TMEM17: variants seen among roughly 807,000 people sequenced by gnomAD.
The protein encoded by TMEM17 is transmembrane protein 17.
TMEM17 carries 15 observed loss-of-function variants against 19.1 expected under a neutral mutation model. The ratio of observed to expected loss-of-function variants is 0.78; its 90% CI spans 0.52 to 1.21. TMEM17 has a LOEUF of 1.21. Among genes scored for constraint, TMEM17 ranks in the 50% most tolerant of loss-of-function variants. TMEM17 has a pLI of 0.00. For missense variants in TMEM17, 245 were observed against 242.3 expected (o/e 1.01, Z -0.07); for synonymous variants, 103 against 86.9 (o/e 1.19, Z -1.03).
At chr2:62,486,465 T>C in the TMEM17 span, among the ~76,000 whole-genome samples, 1 of 152,142 alleles carries the variant, frequency 6.6e-6, no homozygotes, top group Non-Finnish European at 1.5e-5. Flanking sequence ...GTATGTGAAG[T>C]AGGAATGATC....
chr2:62,484,033 C>T, the TMEM17 span, among the ~76,000 whole-genome samples: 1 of 152,226 alleles, frequency 6.6e-6, no homozygotes, highest in South Asian at 2.1e-4. Flanking sequence ...ATCTGGTCTT[C>T]ACTCAACAGT....
chr2:62,483,744 C>G, the TMEM17 span, among the ~76,000 whole-genome samples: 1 of 151,904 alleles, frequency 6.6e-6, no homozygotes. Flanking sequence ...GGATTACAGG[C>G]ACGTGCCACC....
chr2:62,458,620 C>A, the TMEM17 span, among the ~76,000 whole-genome samples: 45 of 152,220 alleles, frequency 3.0e-4, no homozygotes, highest in Non-Finnish European at 5.3e-4. Context: ...CACTCTGCAA[C>A]CTGGCTCTGG....
At chr2:62,475,924 A>T in the TMEM17 span, among the ~76,000 whole-genome samples, 1 of 152,150 alleles carries the variant, frequency 6.6e-6, no homozygotes, top group Non-Finnish European at 1.5e-5. Flanking sequence ...CAGTTGGCAA[A>T]TGTAAGAATG....
At chr2:62,494,127 CTTATT>C in the TMEM17 span, among the ~76,000 whole-genome samples, 1 of 152,174 alleles carries the variant, frequency 6.6e-6, no homozygotes, top group Non-Finnish European at 1.5e-5. Flanking sequence ...AGGACTTAAT[CTTATT>C]TATCTTTTTC....
the TMEM17 span, among the ~76,000 whole-genome samples, chr2:62,469,469 G>C: frequency 6.6e-6 from 1 of 152,194 alleles, no homozygotes; most frequent in Non-Finnish European, 1.5e-5. Flanking sequence ...TAAAAATCCA[G>C]AGATTGAATT....
chr2:62,494,336 A>G, the TMEM17 span, among the ~76,000 whole-genome samples: 1 of 152,196 alleles, frequency 6.6e-6, no homozygotes, highest in Admixed American at 6.5e-5. Context: ...TGGGAGCAAT[A>G]GTTTTTAGGA....
At chr2:62,467,381 G>A in the TMEM17 span, among the ~76,000 whole-genome samples, 1 of 152,084 alleles carries the variant, frequency 6.6e-6, no homozygotes, top group Admixed American at 6.5e-5. Context: ...AAGGAGAAAG[G>A]ACTTGCGAAA....
the TMEM17 span, among the ~76,000 whole-genome samples, chr2:62,470,164 T>C: frequency 6.6e-6 from 1 of 152,232 alleles, no homozygotes; most frequent in Non-Finnish European, 1.5e-5. Context: ...CTTCCTCCAC[T>C]ACACTGATTA....
At chr2:62,505,945 A>T in intron 1 of TMEM17, 85 bp downstream of exon 1, 2 of 1,265,370 alleles carry the variant, frequency 1.6e-6, no homozygotes, top group Non-Finnish European at 2.2e-6. Context: ...TCGCCATTTT[A>T]GGTACGGGCA....
In TMEM17 at chr2:62,500,929, C is replaced by T. The variant is rs894825240; in HGVS notation, c.*280G>A. The T allele has an allele frequency of 2.9e-5, 8 of 279,126 alleles. No individual in the cohort carries two copies. The highest frequency in any genetic ancestry group is 5.3e-5 in the Non-Finnish European group (8 of 149,896). The allele number at this position is 279,126 out of a possible 1,614,324, so 17.3% of individuals were successfully genotyped here. A position where few individuals can be genotyped will look rare whatever the true frequency, so the allele number is the denominator to read the frequency against. ...ATGCTACGAGAGAGCTGGCAAATGACAACCACCAATACATAGATTTCTACA... is the reference window on the plus strand; with the variant it reads ...ATGCTACGAGAGAGCTGGCAAATGATAACCACCAATACATAGATTTCTACA... On this transcript the variant is annotated 3_prime_UTR_variant, in exon 4 of 4. Coordinates refer to ENST00000335390, the MANE Select transcript of TMEM17 (RefSeq NM_198276.3).
the TMEM17 span, among the ~76,000 whole-genome samples, chr2:62,470,547 G>C: frequency 1.3e-5 from 2 of 152,204 alleles, no homozygotes; most frequent in Non-Finnish European, 2.9e-5. Context: ...GCTGCCTTCA[G>C]CTGGATGACA....
At chr2:62,475,185 T>G in the TMEM17 span, among the ~76,000 whole-genome samples, 1 of 152,316 alleles carries the variant, frequency 6.6e-6, no homozygotes, top group South Asian at 2.1e-4. Context: ...TGTTTTCAGC[T>G]TCTGAGCCAG....
the TMEM17 span, among the ~76,000 whole-genome samples, chr2:62,468,594 G>T: frequency 6.6e-6 from 1 of 152,208 alleles, no homozygotes; most frequent in Non-Finnish European, 1.5e-5. Flanking sequence ...GGGGGAGAGG[G>T]TTGTCACAGT....
chr2:62,499,994 G>A (rs10198014), downstream of TMEM17, among the ~76,000 whole-genome samples: 6,050 of 152,230 alleles, frequency 0.04, 390 homozygotes, highest in African/African-American at 0.14. Context: ...ATTAAGAGGC[G>A]CTCTGGTTTC....
the TMEM17 span, among the ~76,000 whole-genome samples, chr2:62,458,642 G>A: frequency 1.1e-4 from 17 of 152,226 alleles, no homozygotes; most frequent in African/African-American, 3.1e-4. Flanking sequence ...GATTCAGACC[G>A]TGAATGCTTG....
chr2:62,466,008 C>A, the TMEM17 span, among the ~76,000 whole-genome samples: 2 of 152,218 alleles, frequency 1.3e-5, no homozygotes, highest in East Asian at 1.9e-4. Context: ...GTAGGAAGTA[C>A]CTTTGTTCAA....
chr2:62,480,166 G>A, the TMEM17 span, among the ~76,000 whole-genome samples: 11 of 152,086 alleles, frequency 7.2e-5, no homozygotes, highest in African/African-American at 1.9e-4. Flanking sequence ...GATTAGTGAC[G>A]TTGAACATTT....
the TMEM17 span, among the ~76,000 whole-genome samples, chr2:62,454,579 T>G: frequency 7.9e-5 from 12 of 152,288 alleles, no homozygotes; most frequent in African/African-American, 2.9e-4. Flanking sequence ...TACTGTAGGT[T>G]TTGAAATCTT....
Sources: allele counts gnomAD v4.1 joint callset (sites outside exome capture counted in the v4.1 genomes callset), GRCh38; gene constraint gnomAD v4.1.1; transcripts MANE v1.5; gene names NCBI Gene and HGNC (gene_info 2026-07-23, HGNC 2026-07-21).